The following TM9SF4 variants were observed in gnomAD, a reference collection of about 807,000 sequenced individuals.
The protein encoded by TM9SF4 is dinucleotide oxidase disulfide thiol exchanger 3 superfamily member 4.
In TM9SF4, 26 loss-of-function variants were observed where a neutral mutation model predicts 90.4. The ratio of observed to expected loss-of-function variants is 0.29; its 90% CI spans 0.21 to 0.40. The LOEUF (loss-of-function observed/expected upper bound fraction) is 0.40. TM9SF4 is among the 10% of genes least tolerant of loss of function. The pLI is 1.00. For missense variants in TM9SF4, 549 were observed against 834.8 expected (o/e 0.66, Z 4.22); for synonymous variants, 293 against 315.4 (o/e 0.93, Z 0.75).
intron 1 of TM9SF4, among the ~76,000 whole-genome samples, chr20:32,112,703 A>AC (rs1277887354): frequency 1.2e-3 from 180 of 151,452 alleles, no homozygotes; most frequent in African/African-American, 2.3e-3. Flanking sequence ...CAAAAAAAAA[A>AC]AAAAAACAAA....
In TM9SF4 at chr20:32,158,500, T is replaced by G; in HGVS notation, c.1555T>G (p.Phe519Val). Residue 519 changes from phenylalanine (F) to valine (V), a missense_variant, in exon 15 of 18, where the codon TTC (phenylalanine) becomes GTC (valine). Transcript: ENST00000398022. ...LPFGAMFIEL[F>V]FIFSAIWENQ... ...CTTCGGCGCCATGTTCATCGAGCTC[T>G]TCTTCATCTTCAGTGTGAGTACTGG... The G allele has an allele frequency of 1.2e-6, 2 of 1,614,064 alleles. No individual in the cohort carries two copies. The highest frequency in any genetic ancestry group is 1.7e-6 in the Non-Finnish European group (2 of 1,179,978).
chr20:32,143,264 C>T (rs527721457), intron 6 of TM9SF4, among the ~76,000 whole-genome samples, 159 bp downstream of exon 6: 5 of 152,248 alleles, frequency 3.3e-5, no homozygotes, highest in East Asian at 1.9e-4. Flanking sequence ...TTAGAGAAGA[C>T]GGGGTGTGGG....
chr20:32,150,575 C>G (rs1295103521), intron 10 of TM9SF4, 47 bp from the exon 11 acceptor site: 1 of 1,609,754 alleles, frequency 6.2e-7, no homozygotes, highest in Admixed American at 1.7e-5. Flanking sequence ...GCCTGGTGAT[C>G]AGCCACCCTG....
chr20:32,141,881 A>C lies in TM9SF4; in HGVS notation c.514A>C (p.Thr172Pro). The change falls in exon 5 of 18, where the codon ACA (threonine) becomes CCA (proline). Residue 172 changes from threonine to proline, a missense_variant. By Grantham distance (38) the Thr-to-Pro change is conservative. Transcript: ENST00000398022. The part of the protein sequence containing the change: ...QFEHGYRLGF[T>P]DVNKIYLHNH... ...TGAACACGGCTACCGGCTCGGCTTCACAGATGTCAACAAGGTAGAGTGTCT... is the reference window on the plus strand; with the variant it reads ...TGAACACGGCTACCGGCTCGGCTTCCCAGATGTCAACAAGGTAGAGTGTCT... The C allele has an allele frequency of 6.2e-7, 1 of 1,614,110 alleles. No homozygotes were observed. The highest frequency in any genetic ancestry group is 8.5e-7 in the Non-Finnish European group (1 of 1,180,002).
At chr20:32,160,319 A>G (rs974090926) in intron 16 of TM9SF4, among the ~76,000 whole-genome samples, 4 of 152,136 alleles carry the variant, frequency 2.6e-5, no homozygotes, top group African/African-American at 4.8e-5. Context: ...CTTCCAGCTT[A>G]GTTGTGTGGG....
intron 1 of TM9SF4, among the ~76,000 whole-genome samples, chr20:32,123,866 A>ATATATATATATATATATTTTTTTTTTT: frequency 4.3e-5 from 4 of 93,962 alleles, no homozygotes; most frequent in East Asian, 7.4e-4. Flanking sequence ...ATATATATAT[A>ATATATATATATATATATTTTTTTTTTT]TTTTTTTTTT....
chr20:32,146,443 C>T (rs1049579272), intron 8 of TM9SF4, among the ~76,000 whole-genome samples: 2 of 152,122 alleles, frequency 1.3e-5, no homozygotes, highest in African/African-American at 4.8e-5. Context: ...ACTGAAGCAG[C>T]AGATAGCCAG....
chr20:32,160,168 G>A (rs1392887016), intron 16 of TM9SF4, 57 bp downstream of exon 16: 27 of 1,610,656 alleles, frequency 1.7e-5, no homozygotes, highest in Non-Finnish European at 2.3e-5. Flanking sequence ...GCATTGAACG[G>A]GTTGATGAGG....
In TM9SF4 at chr20:32,143,056, G is replaced by C; in HGVS notation, c.603G>C (p.Thr201=). The change falls in exon 6 of 18, where the codon ACG becomes ACC. Residue 201 remains threonine, a synonymous_variant. Transcript: ENST00000398022. ...REDMEEDQEH[T]YRVVRFEVIP... ...ACATGGAAGAGGACCAGGAGCACAC[G>C]TACCGTGTCGTCCGCTTCGAGGTGA... 6.2e-7 allele frequency: 1 copy of C among 1,613,874 alleles called. No individual in the cohort carries two copies.
At chr20:32,139,666 A>G (rs1171396524) in intron 3 of TM9SF4, among the ~76,000 whole-genome samples, 1 of 152,248 alleles carries the variant, frequency 6.6e-6, no homozygotes, top group Non-Finnish European at 1.5e-5. Flanking sequence ...TACCCCTGTT[A>G]GAAACCTTCA....
chr20:32,121,409 T>C (rs1003119406), intron 1 of TM9SF4, among the ~76,000 whole-genome samples: 9 of 151,928 alleles, frequency 5.9e-5, no homozygotes, highest in African/African-American at 1.7e-4. Flanking sequence ...TGACTCTTAA[T>C]GAGCATGCTG....
At chr20:32,142,914 G>C in intron 5 of TM9SF4, 68 bp from the exon 6 acceptor site, 1 of 1,584,602 alleles carries the variant, frequency 6.3e-7, no homozygotes, top group Non-Finnish European at 8.6e-7. Flanking sequence ...GGTGAGGCAA[G>C]GGCCCTAATA....
chr20:32,158,367 C>G, intron 14 of TM9SF4, 84 bp from the exon 15 acceptor site: 4 of 1,330,218 alleles, frequency 3.0e-6, no homozygotes, highest in Non-Finnish European at 1.1e-6. Context: ...TGTAGGTGCT[C>G]TCTCTTCATG....
intron 6 of TM9SF4, among the ~76,000 whole-genome samples, chr20:32,143,728 CTTT>C (rs112570972): frequency 2.8e-5 from 4 of 145,236 alleles, no homozygotes; most frequent in Non-Finnish European, 6.1e-5. Flanking sequence ...GGTATTTGGA[CTTT>C]TTTTTTTTTT....
At chr20:32,144,568 A>G (rs2046732570) in intron 6 of TM9SF4, among the ~76,000 whole-genome samples, 1 of 152,192 alleles carries the variant, frequency 6.6e-6, no homozygotes, top group Non-Finnish European at 1.5e-5. Context: ...GCCTCTCTGC[A>G]GCCCCTAAGG....
chr20:32,162,977 A>G (rs1750860742), intron 17 of TM9SF4, among the ~76,000 whole-genome samples: 2 of 152,144 alleles, frequency 1.3e-5, no homozygotes, highest in African/African-American at 4.8e-5. Context: ...CAGAGTCTCA[A>G]AAATATCAGG....
chr20:32,144,422 G>A (rs1167280408), intron 6 of TM9SF4, among the ~76,000 whole-genome samples: 3 of 152,222 alleles, frequency 2.0e-5, no homozygotes, highest in African/African-American at 7.2e-5. Context: ...AAATGAATGA[G>A]TAGGCATGAT....
At chr20:32,131,015 T>TA (rs983173444) in intron 1 of TM9SF4, among the ~76,000 whole-genome samples, 42 of 151,500 alleles carry the variant, frequency 2.8e-4, no homozygotes, top group African/African-American at 7.5e-4. Flanking sequence ...AAAGTTCTTT[T>TA]AAAAAAAAAT....
At chr20:32,116,343 G>T (rs949763248) in intron 1 of TM9SF4, 2 of 152,218 alleles carry the variant, frequency 1.3e-5, no homozygotes, top group African/African-American at 4.8e-5. Flanking sequence ...AAGTCTTCCC[G>T]TGGTGAGCTA....
Sources: gnomAD v4.1 joint callset for allele counts (sites outside exome capture counted in the v4.1 genomes callset) on GRCh38, gnomAD v4.1.1 for gene constraint, MANE v1.5 for transcripts, NCBI Gene and HGNC (gene_info 2026-07-23, HGNC 2026-07-21) for gene names.